The following CACNA1B variants were observed in gnomAD, a reference collection of about 807,000 sequenced individuals.
CACNA1B encodes the protein calcium voltage-gated channel subunit alpha1 B, also known as voltage-dependent N-type calcium channel subunit alpha-1B.
A neutral mutation model predicts 247.2 loss-of-function variants in CACNA1B; 70 were observed. The observed-to-expected ratio is 0.28, with a 90% CI of 0.23 to 0.35. CACNA1B has a LOEUF of 0.35. CACNA1B is among the 10% of genes least tolerant of loss of function. The probability of loss-of-function intolerance (pLI) is 1.00; values close to 1 mark genes in which losing one functional copy is unlikely to be tolerated. For missense variants in CACNA1B, 2,367 were observed against 3,197.4 expected, an observed-to-expected ratio of 0.74 and a Z score of 6.26; for synonymous variants, 1,231 against 1,294.4, an observed-to-expected ratio of 0.95 and a Z score of 1.05.
At chr9:138,110,387 T>G (rs1961581143) in intron 39 of CACNA1B, among the ~76,000 whole-genome samples, 1 of 152,082 alleles carries the variant, frequency 6.6e-6, no homozygotes, top group Non-Finnish European at 1.5e-5. Context: ...AGTGCTGGAA[T>G]TACGGGAGTG....
intron 3 of CACNA1B, among the ~76,000 whole-genome samples, chr9:137,911,169 T>A (rs1311339235): frequency 1.3e-5 from 2 of 152,152 alleles, no homozygotes; most frequent in Non-Finnish European, 2.9e-5. Flanking sequence ...GACATATATG[T>A]GGGGGTTTAT....
At chr9:138,119,064 G>A (rs1961980215) in intron 44 of CACNA1B, among the ~76,000 whole-genome samples, 1 of 152,058 alleles carries the variant, frequency 6.6e-6, no homozygotes, top group Non-Finnish European at 1.5e-5. Context: ...GGGCATAGGG[G>A]CCCCCACTCT....
chr9:138,001,239 C>A (rs1234856255), intron 15 of CACNA1B, among the ~76,000 whole-genome samples: 2 of 96,696 alleles, frequency 2.1e-5, no homozygotes, highest in African/African-American at 1.4e-4. Flanking sequence ...AACTTTAATT[C>A]ATGATAAAAA....
chr9:138,115,624 G>T lies in CACNA1B; in HGVS notation c.5722G>T (p.Ala1908Ser). Residue 1908 changes from alanine to serine, a missense_variant, in exon 42 of 47, where the codon GCC becomes TCC. Ala to Ser is a moderately conservative substitution (Grantham distance 99, BLOSUM62 1). Transcript: ENST00000371372. ...EQTQPAVLRG[A>S]RVFLRQKSST... The stretch of plus-strand genomic sequence containing the variant: ...GACACAGCCGGCTGTGCTCCGAGGA[G>T]CCCGGGTTTTCCTTCGACAGAAGAG... The T allele has an allele frequency of 1.2e-6, 2 of 1,613,826 alleles. No homozygotes were observed. Among genetic ancestry groups the T allele is most frequent in the Non-Finnish European group, 1.7e-6 (2 of 1,179,820 alleles).
chr9:137,915,724 G>A (rs1323538836), intron 5 of CACNA1B, among the ~76,000 whole-genome samples: 1 of 151,698 alleles, frequency 6.6e-6, no homozygotes, highest in Non-Finnish European at 1.5e-5. Context: ...TAAGCCTTGA[G>A]AGCTTTCCCT....
chr9:137,883,655 G>T (rs1275124379), intron 3 of CACNA1B, among the ~76,000 whole-genome samples: 1 of 151,842 alleles, frequency 6.6e-6, no homozygotes, highest in Middle Eastern at 3.2e-3. Context: ...TGTGGCTCTG[G>T]TGTGGAGAGT....
rs778817731 is a variant in CACNA1B, at chr9:137,974,092, G to A, written c.1544-1815G>A. On this transcript the variant is annotated intron_variant, in intron 11 of 46. Transcript: ENST00000371372. The surrounding 1 kb of genome is among the most constrained non-coding windows in gnomAD (Gnocchi z 4.5). Reference sequence around the variant, plus strand: ...GGGCTCTGGGACTTTGTGGCCAGGCGTGTTGGGCCTTTCCAAGCTGCTTGT... The same window carrying A: ...GGGCTCTGGGACTTTGTGGCCAGGCATGTTGGGCCTTTCCAAGCTGCTTGT... Among the ~76,000 whole-genome samples, 36 of 152,196 alleles carry A rather than the reference G, an allele frequency of 2.4e-4. No homozygotes were observed. The highest frequency in any genetic ancestry group is 3.4e-4 in the Non-Finnish European group (23 of 68,042).
At chr9:138,043,527 T>G (rs1410808628) in intron 20 of CACNA1B, among the ~76,000 whole-genome samples, 1 of 151,880 alleles carries the variant, frequency 6.6e-6, no homozygotes, top group Admixed American at 6.6e-5. Context: ...GGGCTCGGTG[T>G]TGTTGCCAAC....
chr9:138,073,967 G>A lies in CACNA1B; in HGVS notation c.4792-34G>A, dbSNP rs1361494940. The A allele has an allele frequency of 3.2e-6, 5 of 1,585,220 alleles. No individual in the cohort carries two copies. In the South Asian group the frequency reaches 3.3e-5, roughly 10 times the overall value. On this transcript the variant is annotated intron_variant, in intron 33 of 46. Transcript: ENST00000371372. This position sits in a 1 kb window ranked among gnomAD's most constrained non-coding sequence, Gnocchi z 6.4. Reference sequence around the variant, plus strand: ...GGAGGCCTGGGCGTGGTGGCTGGGAGGTGCCTGTAGCTGACCGGCCCCTGT... The same window carrying A: ...GGAGGCCTGGGCGTGGTGGCTGGGAAGTGCCTGTAGCTGACCGGCCCCTGT...
chr9:138,121,530 G>A lies in CACNA1B; in HGVS notation c.6551G>A (p.Arg2184His), dbSNP rs756380021. The change falls in exon 47 of 47, where the codon CGC (arginine) becomes CAC (histidine). Residue 2184 changes from arginine to histidine, a missense_variant. By Grantham distance (29) the Arg-to-His change is conservative. Coordinates refer to ENST00000371372, the MANE Select transcript of CACNA1B (RefSeq NM_000718.4). This position sits in a 1 kb window ranked among gnomAD's most constrained non-coding sequence, Gnocchi z 6.8. ...ACATCTGGTGCTAGCACCCCCGGCC[G>A]CGGTGGGCGGAGGCAGCTCCCCCAG... ...LSTSGASTPG[R>H]GGRRQLPQTP... 4.1e-5 allele frequency: 64 copies of A among 1,578,242 alleles called. No individual in the cohort carries two copies. The highest frequency in any genetic ancestry group is 1.7e-4 in the Middle Eastern group (1 of 5,918).
chr9:137,892,662 A>G, intron 3 of CACNA1B: 1 of 336,934 alleles, frequency 3.0e-6, no homozygotes, highest in South Asian at 2.3e-5. Context: ...GTCCCCCAGC[A>G]CAGGGCAGCC....
intron 20 of CACNA1B, among the ~76,000 whole-genome samples, chr9:138,030,124 G>A (rs1958970914): frequency 6.6e-6 from 1 of 152,106 alleles, no homozygotes; most frequent in African/African-American, 2.4e-5. Flanking sequence ...TTGAATAGCT[G>A]TGGCAAGAAC....
intron 3 of CACNA1B, among the ~76,000 whole-genome samples, chr9:137,904,698 A>G (rs921554325): frequency 2.6e-5 from 4 of 151,858 alleles, no homozygotes; most frequent in African/African-American, 9.7e-5. Context: ...TGTCCCCTCA[A>G]GAATTTGCTA....
intron 31 of CACNA1B, among the ~76,000 whole-genome samples, chr9:138,068,431 C>T (rs756640148): frequency 5.3e-5 from 8 of 152,160 alleles, no homozygotes; most frequent in Non-Finnish European, 1.0e-4. Context: ...AGCAAAAAAG[C>T]TGAAACCTGC....
intron 12 of CACNA1B, 127 bp from the exon 13 acceptor site, chr9:137,984,011 A>G: frequency 1.4e-6 from 1 of 702,724 alleles, no homozygotes. Flanking sequence ...ATCTGGCTTG[A>G]TTGTCAGACA....
chr9:137,980,546 A>G (rs139084723), intron 12 of CACNA1B, among the ~76,000 whole-genome samples: 10 of 152,340 alleles, frequency 6.6e-5, no homozygotes, highest in Non-Finnish European at 1.5e-4. Context: ...TTCAGGGGTT[A>G]CACGTGCAGG....
In CACNA1B at chr9:137,899,234, G is replaced by GAGCGCCTAGC. The variant is rs1564880259; in HGVS notation, c.531-13946_531-13945insAGCGCCTAGC. ...TCTTGGGTAGCGGGATTACAGGCGCGCTCCACCATGCCAGGCTAATTTTTG... is the reference window on the plus strand; with the variant it reads ...TCTTGGGTAGCGGGATTACAGGCGCGAGCGCCTAGCCTCCACCATGCCAGGCTAATTTTTG... On this transcript the variant is annotated intron_variant, in intron 3 of 46. Transcript: ENST00000371372. This position sits in a 1 kb window ranked among gnomAD's most constrained non-coding sequence, Gnocchi z 5.0. 6.6e-6 allele frequency among the ~76,000 whole-genome samples: 1 copy of GAGCGCCTAGC among 151,652 alleles called. No homozygotes were observed. Among genetic ancestry groups the GAGCGCCTAGC allele is most frequent in the Non-Finnish European group, 1.5e-5 (1 of 67,926 alleles).
intron 40 of CACNA1B, among the ~76,000 whole-genome samples, chr9:138,113,860 G>A (rs1278068411): frequency 7.0e-6 from 1 of 143,224 alleles, no homozygotes; most frequent in African/African-American, 2.7e-5. Flanking sequence ...ACGTGAGGGA[G>A]TGCCGGGAGG....
chr9:138,069,675 C>T, intron 31 of CACNA1B, 83 bp from the exon 32 acceptor site: 2 of 1,010,138 alleles, frequency 2.0e-6, no homozygotes, highest in South Asian at 1.3e-5. Context: ...ATGTCTCCGT[C>T]TGTATGTTGT....
Sources: gnomAD v4.1 joint callset for allele counts (sites outside exome capture counted in the v4.1 genomes callset) on GRCh38, gnomAD v4.1.1 for gene constraint, Gnocchi (gnomAD v3.1) non-coding constraint, MANE v1.5 for transcripts, NCBI Gene and HGNC (gene_info 2026-07-23, HGNC 2026-07-21) for gene names.